The following ADGRF3 variants were observed in gnomAD, a reference collection of about 807,000 sequenced individuals.
ADGRF3 encodes G protein-coupled receptor 113.
A neutral mutation model predicts 93.2 loss-of-function variants in ADGRF3; 85 were observed. The observed-to-expected ratio is 0.91, with a 90% confidence interval of 0.77 to 1.09. The LOEUF (loss-of-function observed/expected upper bound fraction) is 1.09, where lower values mean the gene tolerates loss of function less well. ADGRF3 is among the 50% of genes least tolerant of loss of function. The pLI, the probability that ADGRF3 is intolerant of heterozygous loss-of-function variation, is 0.00. For synonymous variants in ADGRF3, 534 were observed against 532.5 expected, an observed-to-expected ratio of 1.00 and a Z score of -0.04; for missense variants, 1,125 against 1,246.2, an observed-to-expected ratio of 0.90 and a Z score of 1.46.
intron 4 of ADGRF3, among the ~76,000 whole-genome samples, 190 bp from the exon 5 acceptor site, chr2:26,315,930 ATC>A (rs1674614502): frequency 6.6e-6 from 1 of 152,052 alleles, no homozygotes; most frequent in Admixed American, 6.5e-5. Flanking sequence ...GGAAGACTCT[ATC>A]TGTTATTGGA....
At position 26,315,116 on chromosome 2, in the gene ADGRF3, C is replaced by T. The variant is rs543987274; in HGVS notation, c.718+406G>A. Among the ~76,000 whole-genome samples the T allele has an allele frequency of 2.0e-5, 3 of 152,328 alleles. No homozygotes were observed. In the East Asian group the frequency reaches 5.8e-4, roughly 29 times the overall value. On this transcript the variant is annotated intron_variant, in intron 5 of 13. Coordinates refer to ENST00000651242, the MANE Select transcript of ADGRF3 (RefSeq NM_001321971.2). ...GTCTGGGTTCTCCCATCTGCATTTG[C>T]ATTCAATCTCGTGATGGCCCTGTAG... is the stretch of plus-strand genomic sequence containing the variant.
At chr2:26,319,444 T>C (rs1230059681) in intron 1 of ADGRF3, among the ~76,000 whole-genome samples, 1 of 152,018 alleles carries the variant, frequency 6.6e-6, no homozygotes, top group Non-Finnish European at 1.5e-5. Context: ...AGGTTACAAA[T>C]GAAAAATAAA....
intron 1 of ADGRF3, among the ~76,000 whole-genome samples, chr2:26,327,170 G>A (rs1675479456): frequency 6.6e-6 from 1 of 152,194 alleles, no homozygotes; most frequent in Non-Finnish European, 1.5e-5. Flanking sequence ...GGTAATTTTG[G>A]AACTGGGACC....
chr2:26,327,833 TAA>T (rs113090429), intron 1 of ADGRF3, among the ~76,000 whole-genome samples: 4 of 146,450 alleles, frequency 2.7e-5, no homozygotes, highest in African/African-American at 1.0e-4. Context: ...CGTCTTCTTT[TAA>T]AAAAAAAAAA....
intron 1 of ADGRF3, among the ~76,000 whole-genome samples, chr2:26,341,240 A>G (rs1676379695): frequency 6.6e-6 from 1 of 152,168 alleles, no homozygotes; most frequent in African/African-American, 2.4e-5. Flanking sequence ...TTAGCCAGGC[A>G]TGGTGGCGGG....
At chr2:26,339,114 C>CAAAAAAAAAAAAAAAA (rs61584458) in intron 1 of ADGRF3, among the ~76,000 whole-genome samples, 1 of 39,670 alleles carries the variant, frequency 2.5e-5, no homozygotes, top group African/African-American at 8.6e-5. Context: ...GACTCCGTCA[C>CAAAAAAAAAAAAAAAA]AAAAAAAAAA....
chr2:26,311,947 A>G lies in ADGRF3; in HGVS notation c.1577T>C (p.Leu526Pro). 6.2e-7 allele frequency: 1 copy of G among 1,613,786 alleles called. No individual in the cohort carries two copies. The highest frequency in any genetic ancestry group is 8.5e-7 in the Non-Finnish European group (1 of 1,179,858). ...GGCGAAGGGGTGGTCCTGTGGGCAC[A>G]GGCTGCATGCCAGGGTCTCCACAGC... is the stretch of plus-strand genomic sequence containing the variant. The part of the protein sequence containing the change: ...LLAVETLACS[L>P]CPQDHPFAFS... The change falls in exon 10 of 14, where the codon CTG becomes CCG. Residue 526 changes from leucine (L) to proline (P), a missense_variant. Transcript: ENST00000651242.
chr2:26,309,666 T>C (rs1673875447), intron 12 of ADGRF3, 85 bp from the exon 13 acceptor site: 1 of 1,525,490 alleles, frequency 6.6e-7, no homozygotes, highest in South Asian at 1.2e-5. Context: ...TGTTTTACTT[T>C]CTCACATGCA....
At chr2:26,310,357 C>A (rs1005822252) in intron 10 of ADGRF3, 120 bp from the exon 11 acceptor site, 65 of 1,136,218 alleles carry the variant, frequency 5.7e-5, no homozygotes, top group Non-Finnish European at 7.2e-5. Context: ...TTTTCTGTTA[C>A]CACTATTTGG....
intron 1 of ADGRF3, among the ~76,000 whole-genome samples, chr2:26,324,340 A>AT (rs1283661983): frequency 7.9e-5 from 12 of 151,692 alleles, no homozygotes; most frequent in East Asian, 7.7e-4. Flanking sequence ...ATCTTGGTGT[A>AT]TTTTTTTTTA....
In ADGRF3 at chr2:26,346,358, G is replaced by A. The variant is rs1036730760; in HGVS notation, c.-124C>T. 1.5e-5 allele frequency: 23 copies of A among 1,512,844 alleles called. No individual in the cohort carries two copies. Among genetic ancestry groups the A allele is most frequent in the Non-Finnish European group, 1.8e-6 (2 of 1,130,106 alleles). 93.7% of individuals were successfully genotyped at this position (1,512,844 alleles called of 1,614,324 possible). ...GCCCAGGCGGCTGAGGGGCCCGCGCGGCGCGGTCCGTGTCACCTTGTGCCG... is the reference window on the plus strand; with the variant it reads ...GCCCAGGCGGCTGAGGGGCCCGCGCAGCGCGGTCCGTGTCACCTTGTGCCG... On this transcript the variant is annotated 5_prime_UTR_variant, in exon 1 of 14. Coordinates refer to ENST00000651242, the MANE Select transcript of ADGRF3 (RefSeq NM_001321971.2).
chr2:26,346,017 C>T lies in ADGRF3; in HGVS notation c.114+104G>A, dbSNP rs993674285. The stretch of plus-strand genomic sequence containing the variant: ...CGCTCGAGCGGGCTAGCAACCCCCC[C>T]TCGATGGGCGGGGAGAAGCGTGGGC... On this transcript the variant is annotated intron_variant, in intron 1 of 13. Coordinates refer to ENST00000651242, the MANE Select transcript of ADGRF3 (RefSeq NM_001321971.2). The T allele has an allele frequency of 5.6e-6, 7 of 1,257,932 alleles. No homozygotes were observed. In the African/African-American group the frequency reaches 1.0e-4, roughly 19 times the overall value. 77.9% of individuals were successfully genotyped at this position (1,257,932 alleles called of 1,614,324 possible). A position where few individuals can be genotyped will look rare whatever the true frequency, so the allele number is the denominator to read the frequency against.
chr2:26,315,625 CCCTGGGTG>C lies in ADGRF3; in HGVS notation c.607_614del (p.His203GlufsTer36). On this transcript the variant is annotated frameshift_variant, in exon 5 of 14. Transcript: ENST00000651242. LOFTEE classifies it high-confidence loss of function. Reference sequence around the variant, plus strand: ...GCTGCAGGAGGATGGGACTGGGGCTCCCTGGGTGCCTCAGGAACCAGCTCAGGTTGGTG... The same window carrying C: ...GCTGCAGGAGGATGGGACTGGGGCTCCCTCAGGAACCAGCTCAGGTTGGTG... 1 of 1,551,600 alleles carries C rather than the reference CCCTGGGTG, an allele frequency of 6.4e-7. No individual in the cohort carries two copies. The highest frequency in any genetic ancestry group is 1.2e-5 in the South Asian group (1 of 84,052).
rs565352475 is a variant in ADGRF3, at chr2:26,342,151, A to G, written c.114+3970T>C. Among the ~76,000 whole-genome samples the G allele has an allele frequency of 6.8e-4, 103 of 151,588 alleles. 1 individual carries two copies. The highest frequency in any genetic ancestry group is 2.4e-3 in the African/African-American group (98 of 41,374). On this transcript the variant is annotated intron_variant, in intron 1 of 13. Transcript: ENST00000651242. ...TTGTAGAAGCATAGTGTAGTGGAAA[A>G]TTATTCAACTAAAAGTCTGATGACC...
chr2:26,345,916 C>G, intron 1 of ADGRF3: 1 of 557,354 alleles, frequency 1.8e-6, no homozygotes, highest in East Asian at 3.1e-5. Flanking sequence ...AATGAAGCGA[C>G]GAAGAGAGCT....
chr2:26,327,854 C>T (rs1675525978), intron 1 of ADGRF3, among the ~76,000 whole-genome samples: 1 of 152,092 alleles, frequency 6.6e-6, no homozygotes, highest in South Asian at 2.1e-4. Flanking sequence ...AAAATTTTGC[C>T]ACTCTGTGGT....
chr2:26,317,543 C>A lies in ADGRF3; in HGVS notation c.134G>T (p.Gly45Val), dbSNP rs759244093. The change falls in exon 2 of 14, where the codon GGG (glycine) becomes GTG (valine). Residue 45 changes from glycine to valine, a missense_variant. Coordinates refer to ENST00000651242, the MANE Select transcript of ADGRF3 (RefSeq NM_001321971.2). ...CAGGAGCTGCCCAGATCCAGATTCC[C>A]CTCCAGCCTGACTCTGTCCCTGGAA... ...LPEKGQSQAGGESGSGQLLDQ... is the reference protein window; with the variant it reads ...LPEKGQSQAGVESGSGQLLDQ... 9.5e-6 allele frequency: 15 copies of A among 1,580,258 alleles called. No homozygotes were observed. Among genetic ancestry groups the A allele is most frequent in the East Asian group, 2.3e-5 (1 of 42,844 alleles).
intron 3 of ADGRF3, 54 bp downstream of exon 3, chr2:26,316,858 G>A (rs1674737237): frequency 1.3e-6 from 2 of 1,535,302 alleles, no homozygotes; most frequent in East Asian, 4.6e-5. Context: ...GGCTGCAGGA[G>A]GCCCGGGAGC....
chr2:26,340,825 T>C (rs1382391374), intron 1 of ADGRF3, among the ~76,000 whole-genome samples: 1 of 152,212 alleles, frequency 6.6e-6, no homozygotes, highest in African/African-American at 2.4e-5. Flanking sequence ...TGTAAAACTT[T>C]GCCTGCAATC....
Sources: allele counts gnomAD v4.1 joint callset (sites outside exome capture counted in the v4.1 genomes callset), GRCh38; gene constraint gnomAD v4.1.1; transcripts MANE v1.5; gene names NCBI Gene and HGNC (gene_info 2026-07-23, HGNC 2026-07-21).